CALN1: variants seen among roughly 807,000 people sequenced by gnomAD.
The protein encoded by CALN1 is calcium-binding protein 8.
A neutral mutation model predicts 30.6 loss-of-function variants in CALN1; 17 were observed. The ratio of observed to expected loss-of-function variants is 0.56; its 90% confidence interval spans 0.38 to 0.83. The LOEUF (loss-of-function observed/expected upper bound fraction) is 0.83. Among genes scored for constraint, CALN1 ranks in the 40% least tolerant of loss-of-function variants. CALN1 has a pLI of 0.00. For synonymous variants in CALN1, 156 were observed against 131.4 expected, an observed-to-expected ratio of 1.19 and a Z score of -1.28; for missense variants, 291 against 354.9, an observed-to-expected ratio of 0.82 and a Z score of 1.45.
chr7:72,440,635 T>C (rs1287133906), intron 1 of CALN1, among the ~76,000 whole-genome samples: 1 of 152,224 alleles, frequency 6.6e-6, no homozygotes, highest in Admixed American at 6.5e-5. Flanking sequence ...AAGATCAGCC[T>C]GGCCAATATG....
intron 5 of CALN1, among the ~76,000 whole-genome samples, chr7:71,904,098 GT>G (rs939236780): frequency 7.2e-5 from 11 of 152,190 alleles, no homozygotes; most frequent in African/African-American, 2.7e-4. Flanking sequence ...TAAACTGTTT[GT>G]GGGAATGTAC....
chr7:72,091,935 C>T (rs1164250414), intron 4 of CALN1, among the ~76,000 whole-genome samples: 1 of 152,310 alleles, frequency 6.6e-6, no homozygotes, highest in African/African-American at 2.4e-5. Context: ...AAGTATGCAA[C>T]TTCTGATTTA....
rs559265712 is a variant in CALN1, at chr7:72,394,213, CCTTT to C, written c.119+9034_119+9037del. On this transcript the variant is annotated intron_variant, in intron 2 of 6. Transcript: ENST00000395275. ...CCTCAGGGACATGACTCAAGCACTT[CCTTT>C]CTGTCACCTCCTTCCCCTCCACTCT... Among the ~76,000 whole-genome samples, 270 of 152,280 alleles carry C rather than the reference CCTTT, an allele frequency of 1.8e-3. 6 individuals carry two copies. The highest frequency in any genetic ancestry group is 0.016 in the South Asian group (75 of 4,824).
At chr7:72,487,955 AAAGGAAGGAAGG>A in the CALN1 span, among the ~76,000 whole-genome samples, 24 of 54,416 alleles carry the variant, frequency 4.4e-4, 1 homozygote, top group African/African-American at 1.6e-3. Flanking sequence ...GGAAGGAAGG[AAAGGAAGGAAGG>A]AAGGAAGGAA....
chr7:71,884,513 C>A (rs1792781866), intron 5 of CALN1, among the ~76,000 whole-genome samples: 1 of 151,824 alleles, frequency 6.6e-6, no homozygotes, highest in Non-Finnish European at 1.5e-5. Context: ...CATATTCCAG[C>A]TTGGGCCAGA....
chr7:72,495,123 C>T, the CALN1 span, among the ~76,000 whole-genome samples: 1 of 152,158 alleles, frequency 6.6e-6, no homozygotes, highest in African/African-American at 2.4e-5. Flanking sequence ...TCATTGAGGG[C>T]CATCTTGGAG....
the CALN1 span, among the ~76,000 whole-genome samples, chr7:72,453,992 A>AT: frequency 1.6e-3 from 234 of 148,906 alleles, 2 homozygotes; most frequent in Middle Eastern, 3.5e-3. Flanking sequence ...CACAACCAAA[A>AT]AATATATATA....
chr7:71,999,818 C>T (rs1205132018), intron 5 of CALN1, among the ~76,000 whole-genome samples: 2 of 152,042 alleles, frequency 1.3e-5, no homozygotes, highest in African/African-American at 2.4e-5. Context: ...CAGCCATATG[C>T]ATTTTTTTTA....
At chr7:72,408,269 T>TG (rs1806840808) in intron 1 of CALN1, among the ~76,000 whole-genome samples, 1 of 98,504 alleles carries the variant, frequency 1.0e-5, no homozygotes, top group Non-Finnish European at 2.1e-5. Context: ...CCCATCTCTA[T>TG]TAAAAAAAAA....
chr7:72,209,656 GAAAAAAAGAA>G (rs376008153), intron 3 of CALN1, among the ~76,000 whole-genome samples: 199 of 151,908 alleles, frequency 1.3e-3, no homozygotes, highest in African/African-American at 4.7e-3. Context: ...CATCACCTCA[GAAAAAAAGAA>G]AACAAAAAAC....
the CALN1 span, among the ~76,000 whole-genome samples, chr7:72,491,002 T>A: frequency 6.6e-6 from 1 of 152,146 alleles, no homozygotes; most frequent in African/African-American, 2.4e-5. Context: ...CCCAGCACTT[T>A]GGGAGGCCGA....
chr7:72,125,168 A>G (rs541845733), intron 3 of CALN1, among the ~76,000 whole-genome samples: 1 of 151,782 alleles, frequency 6.6e-6, no homozygotes, highest in East Asian at 1.9e-4. Flanking sequence ...ACCTGGGACT[A>G]CTCCCAGCTA....
intron 5 of CALN1, among the ~76,000 whole-genome samples, chr7:71,835,401 T>C (rs1789545364): frequency 6.6e-6 from 1 of 152,174 alleles, no homozygotes; most frequent in African/African-American, 2.4e-5. Context: ...GGTAGAAATA[T>C]CTATTATATT....
At chr7:71,920,996 A>C (rs1382354538) in intron 5 of CALN1, among the ~76,000 whole-genome samples, 1 of 152,220 alleles carries the variant, frequency 6.6e-6, no homozygotes, top group Non-Finnish European at 1.5e-5. Context: ...AAAATGTGGC[A>C]CATATACACC....
intron 4 of CALN1, among the ~76,000 whole-genome samples, chr7:72,096,048 G>GATAGAT (rs1806199848): frequency 1.4e-5 from 2 of 146,160 alleles, no homozygotes; most frequent in East Asian, 2.0e-4. Flanking sequence ...CTAAAAGATA[G>GATAGAT]ATAGATAGAT....
chr7:72,405,468 A>C (rs571520833), intron 1 of CALN1, among the ~76,000 whole-genome samples: 2 of 152,252 alleles, frequency 1.3e-5, no homozygotes, highest in South Asian at 4.2e-4. Flanking sequence ...GTTTCCTGAG[A>C]CATATGCCCA....
chr7:72,243,602 C>A (rs144774550), intron 3 of CALN1, among the ~76,000 whole-genome samples: 2 of 152,086 alleles, frequency 1.3e-5, no homozygotes, highest in Admixed American at 1.3e-4. Context: ...CCCACTCCTC[C>A]GCCCCTGCCC....
intron 2 of CALN1, among the ~76,000 whole-genome samples, chr7:72,281,392 T>C (rs1295971270): frequency 6.6e-6 from 1 of 152,122 alleles, no homozygotes; most frequent in Non-Finnish European, 1.5e-5. Context: ...GTCCAGAAAA[T>C]GAGATGTCAA....
At chr7:71,798,151 GA>G (rs1562788101) in intron 6 of CALN1, among the ~76,000 whole-genome samples, 6 of 143,376 alleles carry the variant, frequency 4.2e-5, no homozygotes, top group African/African-American at 1.3e-4. Context: ...GAGAGAGAGA[GA>G]GAGAGAGAGA....
Sources: allele counts gnomAD v4.1 joint callset (sites outside exome capture counted in the v4.1 genomes callset), GRCh38; gene constraint gnomAD v4.1.1; transcripts MANE v1.5; gene names NCBI Gene and HGNC (gene_info 2026-07-23, HGNC 2026-07-21).